The following ARL13B variants were observed in gnomAD, a reference collection of about 807,000 sequenced individuals.
The protein encoded by ARL13B is ADP-ribosylation factor-like protein 13B.
A neutral mutation model predicts 56.1 loss-of-function variants in ARL13B; 36 were observed. That is an observed-to-expected ratio of 0.64 (90% CI 0.49 to 0.85). ARL13B has a LOEUF of 0.85. ARL13B is among the 40% of genes least tolerant of loss of function. ARL13B has a pLI of 0.00. For synonymous variants in ARL13B, 178 were observed against 171.1 expected (o/e 1.04, Z -0.32); for missense variants, 519 against 507.1 (o/e 1.02, Z -0.23).
intron 6 of ARL13B, among the ~76,000 whole-genome samples, chr3:94,042,732 A>G (rs574091886): frequency 3.9e-5 from 6 of 152,324 alleles, no homozygotes; most frequent in Admixed American, 6.5e-5. Flanking sequence ...TAGTGATTAT[A>G]TACTGAACAG....
chr3:94,054,255 T>G lies in ARL13B; in HGVS notation c.*992T>G, dbSNP rs2077109956. ...AACCTACTGCAGGTCCAGAGACTTC[T>G]GTTTTACAACTGGGAAACAGCTTGT... On this transcript the variant is annotated 3_prime_UTR_variant, in exon 10 of 10. Coordinates refer to ENST00000394222, the MANE Select transcript of ARL13B (RefSeq NM_001174150.2). The G allele has an allele frequency of 2.2e-6, 1 of 452,266 alleles. No individual in the cohort carries two copies. The highest frequency in any genetic ancestry group is 2.4e-5 in the Admixed American group (1 of 42,524). The allele number at this position is 452,266 out of a possible 1,614,324, so 28.0% of individuals were successfully genotyped here.
intron 3 of ARL13B, among the ~76,000 whole-genome samples, chr3:94,019,963 A>T (rs184573416): frequency 6.6e-6 from 1 of 152,136 alleles, no homozygotes; most frequent in Admixed American, 6.5e-5. Flanking sequence ...TTGTCACCCT[A>T]TTTTGAACTA....
At chr3:94,019,661 G>C (rs541626518) in intron 3 of ARL13B, among the ~76,000 whole-genome samples, 1 of 149,582 alleles carries the variant, frequency 6.7e-6, no homozygotes, top group Non-Finnish European at 1.5e-5. Context: ...TGTCATTCCT[G>C]TGCCTAAAAT....
intron 7 of ARL13B, among the ~76,000 whole-genome samples, chr3:94,049,179 CTT>C (rs1342037051): frequency 6.6e-6 from 1 of 152,062 alleles, no homozygotes; most frequent in Non-Finnish European, 1.5e-5. Context: ...AATTTTGGCT[CTT>C]TTTATCATAT....
chr3:94,031,896 AC>A (rs1560000094), intron 3 of ARL13B, among the ~76,000 whole-genome samples: 1 of 152,110 alleles, frequency 6.6e-6, no homozygotes, highest in African/African-American at 2.4e-5. Flanking sequence ...TGAAACTGGA[AC>A]CCTGTCTCTC....
chr3:94,038,310 C>A (rs1292905644), intron 5 of ARL13B, among the ~76,000 whole-genome samples: 1 of 152,016 alleles, frequency 6.6e-6, no homozygotes, highest in African/African-American at 2.4e-5. Flanking sequence ...AGATCCAGGT[C>A]CAAAGTCACA....
intron 6 of ARL13B, 47 bp downstream of exon 6, chr3:94,040,035 G>A: frequency 1.3e-6 from 2 of 1,542,306 alleles, no homozygotes; most frequent in Non-Finnish European, 8.9e-7. Context: ...GTTATAAGTT[G>A]GAACTTGGAA....
chr3:94,024,583 G>T (rs1267362154), intron 3 of ARL13B, among the ~76,000 whole-genome samples: 2 of 152,076 alleles, frequency 1.3e-5, no homozygotes, highest in South Asian at 2.1e-4. Flanking sequence ...TTTTTTGGGC[G>T]TGTTGTTTTG....
At chr3:94,014,400 G>A in intron 3 of ARL13B, 1 of 1,541,520 alleles carries the variant, frequency 6.5e-7, no homozygotes, top group Non-Finnish European at 8.7e-7. Context: ...TTGAGCTACA[G>A]CATGGACAGC....
chr3:94,035,248 A>G, intron 3 of ARL13B, 83 bp from the exon 4 acceptor site: 1 of 1,070,038 alleles, frequency 9.3e-7, no homozygotes, highest in East Asian at 2.5e-5. Context: ...AAAAAAAAAA[A>G]AAAAAAGAAT....
intron 7 of ARL13B, 88 bp from the exon 8 acceptor site, chr3:94,049,318 A>T: frequency 1.4e-6 from 1 of 728,180 alleles, no homozygotes; most frequent in African/African-American, 1.8e-5. Flanking sequence ...TGTTAATAAT[A>T]TCAGTATTCT....
intron 1 of ARL13B, among the ~76,000 whole-genome samples, chr3:93,986,242 A>G (rs534138220): frequency 4.1e-4 from 62 of 152,316 alleles, no homozygotes; most frequent in African/African-American, 1.4e-3. Context: ...AATGGACACT[A>G]AGAATTTGAC....
intron 5 of ARL13B, among the ~76,000 whole-genome samples, chr3:94,037,787 A>C (rs1359047304): frequency 1.3e-5 from 2 of 152,072 alleles, no homozygotes; most frequent in Non-Finnish European, 2.9e-5. Flanking sequence ...CAGAAGCAAC[A>C]AAAAAATTGA....
chr3:93,980,166 G>A lies in ARL13B; in HGVS notation c.-258G>A, dbSNP rs1258070216. ...CACGTCGACGCGGGGCTTTTCTTTA[G>A]CCGGGTCCCGCTAACTCGGCTACGG... On this transcript the variant is annotated 5_prime_UTR_variant, in exon 1 of 10. Coordinates refer to ENST00000394222, the MANE Select transcript of ARL13B (RefSeq NM_001174150.2). The A allele has an allele frequency of 3.1e-6, 2 of 641,754 alleles. No individual in the cohort carries two copies. Among genetic ancestry groups the A allele is most frequent in the South Asian group, 1.6e-5 (1 of 61,256 alleles). The allele number at this position is 641,754 out of a possible 1,614,324, so 39.8% of individuals were successfully genotyped here. A position where few individuals can be genotyped will look rare whatever the true frequency, so the allele number is the denominator to read the frequency against.
At position 94,053,184 on chromosome 3, in the gene ARL13B, T is replaced by C. The variant is rs1383532929; in HGVS notation, c.1211-3T>C. The stretch of plus-strand genomic sequence containing the variant: ...GTGCATTTGGTTTTCTTTCTTTTCT[T>C]AGATTTCTATAGGAAGCCACTGCCT... On this transcript the variant is annotated splice_polypyrimidine_tract_variant and splice_region_variant and intron_variant, in intron 9 of 9. Coordinates refer to ENST00000394222, the MANE Select transcript of ARL13B (RefSeq NM_001174150.2). 2 of 1,610,508 alleles carry C rather than the reference T, an allele frequency of 1.2e-6. No individual in the cohort carries two copies. Among genetic ancestry groups the C allele is most frequent in the Non-Finnish European group, 8.5e-7 (1 of 1,179,326 alleles).
rs1161162419 is a variant in ARL13B, at chr3:93,987,082, T to G, written c.59+6600T>G. On this transcript the variant is annotated intron_variant, in intron 1 of 9. Coordinates refer to ENST00000394222, the MANE Select transcript of ARL13B (RefSeq NM_001174150.2). ...AGGTGTTCAAATGATTGTGATAATGTCATTCAGGAAAGATTCAGAATTTAA... is the reference window on the plus strand; with the variant it reads ...AGGTGTTCAAATGATTGTGATAATGGCATTCAGGAAAGATTCAGAATTTAA... Among the ~76,000 whole-genome samples, 4 of 152,330 alleles carry G rather than the reference T, an allele frequency of 2.6e-5. No individual in the cohort carries two copies. In the East Asian group the frequency reaches 7.7e-4, roughly 29 times the overall value.
At chr3:94,012,636 A>G (rs776012220) in intron 3 of ARL13B, among the ~76,000 whole-genome samples, 10 of 152,146 alleles carry the variant, frequency 6.6e-5, no homozygotes, top group Non-Finnish European at 1.3e-4. Context: ...AATTGTAAAA[A>G]TAGTGTCTAC....
At chr3:94,025,453 A>G (rs932234440) in intron 3 of ARL13B, among the ~76,000 whole-genome samples, 4 of 152,198 alleles carry the variant, frequency 2.6e-5, no homozygotes, top group Non-Finnish European at 5.9e-5. Context: ...TTGAACATTT[A>G]GAGAATATTT....
intron 1 of ARL13B, among the ~76,000 whole-genome samples, chr3:93,985,707 A>G (rs554051156): frequency 6.6e-6 from 1 of 152,292 alleles, no homozygotes; most frequent in African/African-American, 2.4e-5. Flanking sequence ...ATAAGTAGGT[A>G]ACAAATCCTT....
Sources: allele counts gnomAD v4.1 joint callset (sites outside exome capture counted in the v4.1 genomes callset), GRCh38; gene constraint gnomAD v4.1.1; transcripts MANE v1.5; gene names NCBI Gene and HGNC (gene_info 2026-07-23, HGNC 2026-07-21).